SRGAP1: variants seen among roughly 807,000 people sequenced by gnomAD.
SRGAP1 encodes the protein SLIT-ROBO Rho GTPase-activating protein 1.
In SRGAP1, 43 loss-of-function variants were observed where a neutral mutation model predicts 121.9. The ratio of observed to expected loss-of-function variants is 0.35; its 90% CI spans 0.28 to 0.46. The LOEUF (loss-of-function observed/expected upper bound fraction) is 0.46. Among genes scored for constraint, SRGAP1 ranks in the 20% least tolerant of loss-of-function variants. The probability of loss-of-function intolerance (pLI) is 1.00; values close to 1 mark genes in which losing one functional copy is unlikely to be tolerated. For missense variants in SRGAP1, 1,102 were observed against 1,350.9 expected, an observed-to-expected ratio of 0.82 and a Z score of 2.89; for synonymous variants, 447 against 485.4, an observed-to-expected ratio of 0.92 and a Z score of 1.04.
At chr12:63,975,216 C>T (rs1310797188) in intron 1 of SRGAP1, among the ~76,000 whole-genome samples, 1 of 152,186 alleles carries the variant, frequency 6.6e-6, no homozygotes, top group Non-Finnish European at 1.5e-5. Context: ...ATCGTCCCTT[C>T]TCCAGTGTTA....
intron 3 of SRGAP1, among the ~76,000 whole-genome samples, chr12:63,990,656 GA>G (rs756016458): frequency 1.3e-5 from 2 of 152,190 alleles, no homozygotes; most frequent in Non-Finnish European, 2.9e-5. Context: ...TACACAATGT[GA>G]GCAAAAATTT....
At chr12:64,019,946 C>T (rs963978317) in intron 4 of SRGAP1, among the ~76,000 whole-genome samples, 2 of 152,210 alleles carry the variant, frequency 1.3e-5, no homozygotes, top group Non-Finnish European at 2.9e-5. Context: ...AATATTCACT[C>T]CTCACTTGCT....
rs967693491 is a variant in SRGAP1, at chr12:63,965,337, A to G, written c.68-18610A>G. Reference sequence around the variant, plus strand: ...ATTAGAAAAATATTTGAAAAGATATACAACAGGCAAATTTATTTTAAAAAG... The same window carrying G: ...ATTAGAAAAATATTTGAAAAGATATGCAACAGGCAAATTTATTTTAAAAAG... On this transcript the variant is annotated intron_variant, in intron 1 of 21. Coordinates refer to ENST00000355086, the MANE Select transcript of SRGAP1 (RefSeq NM_020762.4). Among the ~76,000 whole-genome samples the G allele has an allele frequency of 3.3e-5, 5 of 152,364 alleles. No homozygotes were observed. The South Asian group carries it at 6.2e-4, about 19-fold the overall frequency.
chr12:64,092,469 T>TATACATAC lies in SRGAP1; in HGVS notation c.1539+1119_1539+1126dup, dbSNP rs200490527. 9.6e-3 allele frequency among the ~76,000 whole-genome samples: 1,227 copies of TATACATAC among 128,224 alleles called. 18 individuals are homozygous for TATACATAC. Among genetic ancestry groups the TATACATAC allele is most frequent in the African/African-American group, 0.038 (1,132 of 30,008 alleles). The allele number at this position is 128,224 out of a possible 152,430, so 84.1% of individuals were successfully genotyped here. A position where few individuals can be genotyped will look rare whatever the true frequency, so the allele number is the denominator to read the frequency against. ...GCATGTATAAGGACATACATACATA[T>TATACATAC]ATACATACATACATACATACATACA... On this transcript the variant is annotated intron_variant, in intron 12 of 21. Coordinates refer to ENST00000355086, the MANE Select transcript of SRGAP1 (RefSeq NM_020762.4).
intron 1 of SRGAP1, among the ~76,000 whole-genome samples, chr12:63,900,610 C>T (rs1200731633): frequency 6.6e-6 from 1 of 151,918 alleles, no homozygotes; most frequent in Admixed American, 6.5e-5. Flanking sequence ...GCCAGGAGTT[C>T]GAGACCAGCC....
intron 10 of SRGAP1, among the ~76,000 whole-genome samples, chr12:64,086,006 C>T (rs1289824943): frequency 1.3e-5 from 2 of 152,176 alleles, no homozygotes; most frequent in Non-Finnish European, 2.9e-5. Flanking sequence ...GAGTCAAAGG[C>T]TCTACTGCAG....
intron 4 of SRGAP1, among the ~76,000 whole-genome samples, chr12:64,035,342 C>CA (rs2034881752): frequency 1.3e-5 from 2 of 152,070 alleles, no homozygotes; most frequent in African/African-American, 4.8e-5. Flanking sequence ...GCCCCTCTCC[C>CA]ACCTCTGCAT....
intron 1 of SRGAP1, among the ~76,000 whole-genome samples, chr12:63,871,219 A>G (rs557525383): frequency 8.5e-5 from 13 of 152,326 alleles, no homozygotes; most frequent in Non-Finnish European, 1.6e-4. Context: ...ATTGCTCTCA[A>G]TGGACATCAA....
chr12:64,012,610 G>A (rs1342352623), intron 3 of SRGAP1, among the ~76,000 whole-genome samples: 1 of 139,594 alleles, frequency 7.2e-6, no homozygotes, highest in Non-Finnish European at 1.5e-5. Context: ...CCAGGCTGGA[G>A]TGTATGCTCA....
In SRGAP1 at chr12:63,888,659, A is replaced by G. The variant is rs574495721; in HGVS notation, c.67+43776A>G. Reference sequence around the variant, plus strand: ...TTTTATTTTTTGTTTGTTTGTTTCTACCTACTGAGAAATTCTGCCTAAGCT... The same window carrying G: ...TTTTATTTTTTGTTTGTTTGTTTCTGCCTACTGAGAAATTCTGCCTAAGCT... On this transcript the variant is annotated intron_variant, in intron 1 of 21. Coordinates refer to ENST00000355086, the MANE Select transcript of SRGAP1 (RefSeq NM_020762.4). 2.6e-5 allele frequency: 4 copies of G among 152,258 alleles called. No homozygotes were observed. The South Asian group carries it at 6.2e-4, about 24-fold the overall frequency. 9.4% of individuals were successfully genotyped at this position (152,258 alleles called of 1,614,324 possible). A position where few individuals can be genotyped will look rare whatever the true frequency, so the allele number is the denominator to read the frequency against.
At chr12:63,945,831 C>T (rs2032026758) in intron 1 of SRGAP1, among the ~76,000 whole-genome samples, 1 of 152,166 alleles carries the variant, frequency 6.6e-6, no homozygotes, top group South Asian at 2.1e-4. Flanking sequence ...CACAGCCAAA[C>T]TCTTGGCAGC....
chr12:63,924,754 T>A (rs2031194195), intron 1 of SRGAP1, among the ~76,000 whole-genome samples: 1 of 152,152 alleles, frequency 6.6e-6, no homozygotes, highest in Non-Finnish European at 1.5e-5. Flanking sequence ...GTTACTTGGT[T>A]ACTTTGTGGC....
At chr12:64,090,774 A>G (rs1459806635) in intron 11 of SRGAP1, among the ~76,000 whole-genome samples, 1 of 152,148 alleles carries the variant, frequency 6.6e-6, no homozygotes. Flanking sequence ...AAGAAGGTGG[A>G]GGCTGCAGTG....
chr12:64,005,383 C>T (rs1487958545), intron 3 of SRGAP1, among the ~76,000 whole-genome samples: 1 of 152,212 alleles, frequency 6.6e-6, no homozygotes, highest in Non-Finnish European at 1.5e-5. Flanking sequence ...TGGTTCACAT[C>T]TGTAATCCCT....
At chr12:63,949,822 A>G (rs2032231604) in intron 1 of SRGAP1, among the ~76,000 whole-genome samples, 2 of 152,202 alleles carry the variant, frequency 1.3e-5, no homozygotes, top group Non-Finnish European at 1.5e-5. Context: ...TTTTCTGACC[A>G]TCACCAGAGG....
At chr12:64,050,908 G>C (rs918171495) in intron 6 of SRGAP1, among the ~76,000 whole-genome samples, 6 of 152,064 alleles carry the variant, frequency 3.9e-5, no homozygotes, top group African/African-American at 1.4e-4. Context: ...ATTTTTAGTA[G>C]AGACGGGGTT....
At chr12:63,967,226 TC>T (rs2032813783) in intron 1 of SRGAP1, among the ~76,000 whole-genome samples, 1 of 152,244 alleles carries the variant, frequency 6.6e-6, no homozygotes, top group Non-Finnish European at 1.5e-5. Flanking sequence ...GGATCACTTC[TC>T]CCCAGGAGTT....
chr12:64,127,523 CATCTAGCAAATTTTGTAAAATTTGTAA>C, intron 19 of SRGAP1, 40 bp from the exon 20 acceptor site: 3 of 1,497,138 alleles, frequency 2.0e-6, no homozygotes, highest in Non-Finnish European at 2.7e-6. Flanking sequence ...CATCTCCACT[CATCTAGCAAATTTTGTAAAATTTGTAA>C]ATCTAGTAAA....
At chr12:64,104,564 G>A (rs1306455323) in intron 15 of SRGAP1, among the ~76,000 whole-genome samples, 1 of 152,130 alleles carries the variant, frequency 6.6e-6, no homozygotes, top group Admixed American at 6.6e-5. Context: ...CCCACTAACT[G>A]GACTCAGGAC....
Sources: allele counts gnomAD v4.1 joint callset (sites outside exome capture counted in the v4.1 genomes callset), GRCh38; gene constraint gnomAD v4.1.1; transcripts MANE v1.5; gene names NCBI Gene and HGNC (gene_info 2026-07-23, HGNC 2026-07-21).